DOCK3: variants seen among roughly 807,000 people sequenced by gnomAD.
The protein encoded by DOCK3 is dedicator of cytokinesis 3.
Under a neutral mutation model 265.6 loss-of-function variants are expected in DOCK3, and 60 were observed. That is an observed-to-expected ratio of 0.23 (90% confidence interval 0.18 to 0.28). The LOEUF (loss-of-function observed/expected upper bound fraction) is 0.28. DOCK3 is among the 10% of genes least tolerant of loss of function. The pLI is 1.00. For missense variants in DOCK3, 1,981 were observed against 2,594.3 expected (o/e 0.76, Z 5.14); for synonymous variants, 881 against 938.0 (o/e 0.94, Z 1.11).
intron 5 of DOCK3, among the ~76,000 whole-genome samples, chr3:51,054,659 T>A (rs1692898305): frequency 6.6e-6 from 1 of 152,206 alleles, no homozygotes; most frequent in African/African-American, 2.4e-5. Flanking sequence ...ATTTATCTAT[T>A]GGATTGCATT....
intron 1 of DOCK3, among the ~76,000 whole-genome samples, chr3:50,683,078 T>C (rs1455437703): frequency 6.6e-6 from 1 of 152,242 alleles, no homozygotes; most frequent in African/African-American, 2.4e-5. Context: ...TTTTTATTAA[T>C]GTGGTATAAA....
intron 21 of DOCK3, among the ~76,000 whole-genome samples, chr3:51,237,928 T>C (rs760305340): frequency 6.6e-6 from 1 of 151,912 alleles, no homozygotes; most frequent in Non-Finnish European, 1.5e-5. Flanking sequence ...CCCACCATTC[T>C]ATTCTACTTT....
Position 51,067,036 on chromosome 3 carries a change from C to A in DOCK3, c.464+2440C>A, listed in dbSNP as rs562259209. Among the ~76,000 whole-genome samples the A allele has an allele frequency of 4.3e-4, 66 of 152,238 alleles. No homozygotes were observed. The South Asian group carries it at 5.0e-3, about 11-fold the overall frequency. On this transcript the variant is annotated intron_variant, in intron 6 of 52. Transcript: ENST00000266037. ...CTAATTCTGCCTCTTCAAACCCAAA[C>A]ATTTTTATGTTATGAAATTATGTCA...
chr3:50,979,327 AT>A (rs1315679617), intron 5 of DOCK3, among the ~76,000 whole-genome samples: 1 of 152,104 alleles, frequency 6.6e-6, no homozygotes, highest in Non-Finnish European at 1.5e-5. Flanking sequence ...TAGTTCAGAT[AT>A]TTGTCCCCTC....
At chr3:51,077,330 G>A (rs966124508) in intron 7 of DOCK3, among the ~76,000 whole-genome samples, 5 of 152,072 alleles carry the variant, frequency 3.3e-5, no homozygotes, top group African/African-American at 1.2e-4. Flanking sequence ...AGCTTGTGAA[G>A]GTAAATTGAG....
rs138220684 is a variant in DOCK3 at position 50,772,133 on chromosome 3, T to C, written c.38-6542T>C. Among the ~76,000 whole-genome samples the C allele has an allele frequency of 3.8e-3, 583 of 152,336 alleles. 6 individuals are homozygous for C. The highest frequency in any genetic ancestry group is 0.013 in the African/African-American group (547 of 41,580). On this transcript the variant is annotated intron_variant, in intron 1 of 52. Coordinates refer to ENST00000266037, the MANE Select transcript of DOCK3 (RefSeq NM_004947.5). Reference sequence around the variant, plus strand: ...ATCATAAAGAAGAATGAGATCCTTTTATTTGCAACAACATGGGTGAAACTG... The same window carrying C: ...ATCATAAAGAAGAATGAGATCCTTTCATTTGCAACAACATGGGTGAAACTG...
chr3:50,959,781 C>T (rs1475611343), intron 5 of DOCK3, among the ~76,000 whole-genome samples: 1 of 151,950 alleles, frequency 6.6e-6, no homozygotes, highest in African/African-American at 2.4e-5. Context: ...GGGGTTTCAC[C>T]GTGTTAGCCA....
chr3:51,375,396 A>C (rs893218184), intron 50 of DOCK3, among the ~76,000 whole-genome samples: 16 of 152,214 alleles, frequency 1.1e-4, no homozygotes, highest in African/African-American at 3.6e-4. Context: ...TAAACCTGTC[A>C]GTGCTCATGG....
chr3:50,901,452 T>A (rs1238057840), intron 4 of DOCK3, among the ~76,000 whole-genome samples: 2 of 147,214 alleles, frequency 1.4e-5, no homozygotes, highest in East Asian at 1.9e-4. Context: ...CTTGGCTCTC[T>A]GGCTTCACCC....
intron 14 of DOCK3, 26 bp from the exon 15 acceptor site, chr3:51,225,623 A>T: frequency 6.2e-7 from 1 of 1,600,494 alleles, no homozygotes; most frequent in Non-Finnish European, 8.5e-7. Flanking sequence ...TGGAGTCATA[A>T]GGATGTGGCA....
rs190752896 is a variant in DOCK3, at chr3:51,307,727, C to G, written c.2923-2505C>G. On this transcript the variant is annotated intron_variant, in intron 27 of 52. Transcript: ENST00000266037. ...CAGCCCTGCACTCATGTGTGGCCTTCTAGATTCCCAGGAATATGTCAGAGC... is the reference window on the plus strand; with the variant it reads ...CAGCCCTGCACTCATGTGTGGCCTTGTAGATTCCCAGGAATATGTCAGAGC... 3.2e-3 allele frequency among the ~76,000 whole-genome samples: 485 copies of G among 151,982 alleles called. 7 individuals are homozygous for G. Among genetic ancestry groups the G allele is most frequent in the African/African-American group, 0.011 (439 of 41,454 alleles).
intron 1 of DOCK3, among the ~76,000 whole-genome samples, chr3:50,705,270 C>T (rs1576168669): frequency 6.6e-6 from 1 of 152,046 alleles, no homozygotes; most frequent in South Asian, 2.1e-4. Context: ...CAAATCTCAT[C>T]TTGAACTGTA....
At chr3:51,241,796 C>CTAA (rs1449038883) in intron 21 of DOCK3, among the ~76,000 whole-genome samples, 2 of 152,176 alleles carry the variant, frequency 1.3e-5, no homozygotes, top group Non-Finnish European at 1.5e-5. Flanking sequence ...CTTTTCTATA[C>CTAA]TAACTATTTT....
In DOCK3 at chr3:50,744,233, C is replaced by G. The variant is rs542699427; in HGVS notation, c.38-34442C>G. 2.0e-4 allele frequency among the ~76,000 whole-genome samples: 30 copies of G among 152,272 alleles called. No homozygotes were observed. In the East Asian group the frequency reaches 2.7e-3, roughly 14 times the overall value. ...TTTATACCACTCTGTGAGCTTGGCACTCTCTTAATAGTGTCCCTTAATGCA... is the reference window on the plus strand; with the variant it reads ...TTTATACCACTCTGTGAGCTTGGCAGTCTCTTAATAGTGTCCCTTAATGCA... On this transcript the variant is annotated intron_variant, in intron 1 of 52. Transcript: ENST00000266037.
At chr3:50,771,625 G>C (rs566073416) in intron 1 of DOCK3, among the ~76,000 whole-genome samples, 1 of 152,176 alleles carries the variant, frequency 6.6e-6, no homozygotes, top group Non-Finnish European at 1.5e-5. Context: ...GCCCAGGTGG[G>C]TGGATCACGA....
intron 12 of DOCK3, among the ~76,000 whole-genome samples, chr3:51,174,508 A>AT (rs1339895276): frequency 1.4e-5 from 1 of 69,614 alleles, no homozygotes; most frequent in African/African-American, 6.8e-5. Context: ...ATAACTTCTC[A>AT]TTTTGTTCAT....
chr3:51,229,221 C>T (rs2090447851), intron 18 of DOCK3, among the ~76,000 whole-genome samples: 3 of 152,080 alleles, frequency 2.0e-5, no homozygotes, highest in South Asian at 2.1e-4. Flanking sequence ...GAGGCCGAGG[C>T]GGACAGATCA....
At chr3:50,912,461 C>T (rs1291680587) in intron 4 of DOCK3, among the ~76,000 whole-genome samples, 1 of 152,128 alleles carries the variant, frequency 6.6e-6, no homozygotes, top group Non-Finnish European at 1.5e-5. Flanking sequence ...TATGTTTGCT[C>T]AAGGCCCTGG....
chr3:50,909,468 A>G (rs529442467), intron 4 of DOCK3, among the ~76,000 whole-genome samples: 209 of 152,096 alleles, frequency 1.4e-3, no homozygotes, highest in Admixed American at 2.6e-3. Context: ...TTCTTCGCTT[A>G]TGAAGCTTAG....
Sources: allele counts gnomAD v4.1 joint callset (sites outside exome capture counted in the v4.1 genomes callset), GRCh38; gene constraint gnomAD v4.1.1; transcripts MANE v1.5; gene names NCBI Gene and HGNC (gene_info 2026-07-23, HGNC 2026-07-21).